The following GPR39 variants were observed in gnomAD, a reference collection of about 807,000 sequenced individuals.
GPR39 encodes G protein-coupled receptor 39, also known as zinc sensing receptor.
A neutral mutation model predicts 18.4 loss-of-function variants in GPR39; 23 were observed. The observed-to-expected ratio is 1.25, with a 90% CI of 0.90 to 1.77. The LOEUF (loss-of-function observed/expected upper bound fraction) is 1.77. Ranked by LOEUF, GPR39 falls within the 40% of genes most tolerant of loss-of-function variation. GPR39 has a pLI of 0.00. For synonymous variants in GPR39, 280 were observed against 257.9 expected (o/e 1.09, Z -0.82); for missense variants, 647 against 602.4 (o/e 1.07, Z -0.78).
chr2:132,590,129 T>G (rs554242326), intron 1 of GPR39, among the ~76,000 whole-genome samples: 1 of 152,292 alleles, frequency 6.6e-6, no homozygotes, highest in South Asian at 2.1e-4. Flanking sequence ...ACCAAATAAC[T>G]TGATGCTATT....
intron 1 of GPR39, among the ~76,000 whole-genome samples, chr2:132,615,898 C>T (rs548292172): frequency 4.5e-4 from 68 of 151,066 alleles, no homozygotes; most frequent in Admixed American, 9.2e-4. Context: ...TTAAATGTCA[C>T]GCACTGCACA....
At chr2:132,463,508 A>T (rs530919876) in intron 1 of GPR39, among the ~76,000 whole-genome samples, 57 of 149,828 alleles carry the variant, frequency 3.8e-4, no homozygotes, top group Middle Eastern at 3.4e-3. Context: ...GAAAGGTCCT[A>T]TCTTGTTAGC....
At chr2:132,495,164 C>T (rs1185893073) in intron 1 of GPR39, among the ~76,000 whole-genome samples, 1 of 152,148 alleles carries the variant, frequency 6.6e-6, no homozygotes, top group Non-Finnish European at 1.5e-5. Context: ...AGGAAGAGAG[C>T]ATCATAGCAT....
At chr2:132,443,925 A>G (rs1414951281) in intron 1 of GPR39, among the ~76,000 whole-genome samples, 1 of 152,074 alleles carries the variant, frequency 6.6e-6, no homozygotes, top group East Asian at 1.9e-4. Context: ...TACAAAACCT[A>G]TCTAGGTTTG....
At chr2:132,564,990 T>G (rs1023241622) in intron 1 of GPR39, among the ~76,000 whole-genome samples, 1 of 151,658 alleles carries the variant, frequency 6.6e-6, no homozygotes, top group Non-Finnish European at 1.5e-5. Context: ...CTAATTTTTC[T>G]GTATTTTTAG....
chr2:132,459,274 G>T (rs1680790462), intron 1 of GPR39, among the ~76,000 whole-genome samples: 1 of 152,208 alleles, frequency 6.6e-6, no homozygotes, highest in Admixed American at 6.5e-5. Context: ...TTAGTCATGT[G>T]CTACCATATC....
At chr2:132,564,795 ATTTTTTTCTTTTTTCTTTT>A (rs1680316352) in intron 1 of GPR39, among the ~76,000 whole-genome samples, 1 of 87,556 alleles carries the variant, frequency 1.1e-5, no homozygotes, top group Non-Finnish European at 2.5e-5. Flanking sequence ...TTTAATAACT[ATTTTTTTCTTTTTTCTTTT>A]TTTTTTTTTT....
chr2:132,544,418 C>G (rs1164383508), intron 1 of GPR39, among the ~76,000 whole-genome samples: 1 of 152,210 alleles, frequency 6.6e-6, no homozygotes, highest in African/African-American at 2.4e-5. Context: ...TCAGCCCAGG[C>G]CAGCTGGATT....
chr2:132,528,439 T>C (rs925841471), intron 1 of GPR39, among the ~76,000 whole-genome samples: 1 of 152,214 alleles, frequency 6.6e-6, no homozygotes, highest in African/African-American at 2.4e-5. Flanking sequence ...ATATGAAATT[T>C]AAAATAGTTT....
chr2:132,615,491 CTG>C (rs1681318049), intron 1 of GPR39, among the ~76,000 whole-genome samples: 1 of 152,174 alleles, frequency 6.6e-6, no homozygotes, highest in Non-Finnish European at 1.5e-5. Flanking sequence ...CCAACAGAGA[CTG>C]TGCTTTATTG....
intron 1 of GPR39, among the ~76,000 whole-genome samples, chr2:132,559,606 G>A (rs114997558): frequency 0.013 from 1,944 of 152,130 alleles, 49 homozygotes; most frequent in African/African-American, 0.044. Flanking sequence ...GCCAGGTCTT[G>A]GGAGTAGTCA....
At chr2:132,523,449 G>A (rs1486261907) in intron 1 of GPR39, among the ~76,000 whole-genome samples, 1 of 152,038 alleles carries the variant, frequency 6.6e-6, no homozygotes, top group East Asian at 1.9e-4. Context: ...CCATCATTGA[G>A]GTCCAGTTTT....
chr2:132,494,923 GTT>G (rs1452720961), intron 1 of GPR39, among the ~76,000 whole-genome samples: 2 of 152,154 alleles, frequency 1.3e-5, no homozygotes, highest in African/African-American at 4.8e-5. Context: ...GTGGAACTGG[GTT>G]TTGAGACAAA....
chr2:132,452,530 A>G (rs1387858534), intron 1 of GPR39, among the ~76,000 whole-genome samples: 1 of 151,954 alleles, frequency 6.6e-6, no homozygotes, highest in Non-Finnish European at 1.5e-5. Context: ...CACAGCATGC[A>G]GGTTTGATAC....
chr2:132,614,396 G>A (rs113728571), intron 1 of GPR39, among the ~76,000 whole-genome samples: 6,627 of 151,060 alleles, frequency 0.044, 502 homozygotes, highest in African/African-American at 0.15. Flanking sequence ...TAGTAGAGAC[G>A]TGGTTTCACC....
intron 1 of GPR39, among the ~76,000 whole-genome samples, chr2:132,429,638 G>T (rs1246536934): frequency 6.6e-6 from 1 of 152,206 alleles, no homozygotes; most frequent in African/African-American, 2.4e-5. Context: ...TGACAAATGG[G>T]GTTAAAAGAG....
intron 1 of GPR39, among the ~76,000 whole-genome samples, chr2:132,514,182 G>T (rs1406194471): frequency 1.3e-5 from 2 of 152,094 alleles, no homozygotes; most frequent in African/African-American, 4.8e-5. Context: ...GGCCTTAGGG[G>T]ATGCAGTGGG....
At chr2:132,572,491 C>G (rs1038582762) in intron 1 of GPR39, among the ~76,000 whole-genome samples, 1 of 150,956 alleles carries the variant, frequency 6.6e-6, no homozygotes, top group African/African-American at 2.4e-5. Flanking sequence ...TTAGTTGTTT[C>G]TCCTGAGAGC....
chr2:132,574,362 A>C (rs1356308814), intron 1 of GPR39, among the ~76,000 whole-genome samples: 1 of 152,174 alleles, frequency 6.6e-6, no homozygotes, highest in Admixed American at 6.6e-5. Context: ...AGTCATTTGT[A>C]TTTCAACTTC....
Sources: allele counts gnomAD v4.1 joint callset (sites outside exome capture counted in the v4.1 genomes callset), GRCh38; gene constraint gnomAD v4.1.1; transcripts MANE v1.5; gene names NCBI Gene and HGNC (gene_info 2026-07-23, HGNC 2026-07-21).